Variants in DOK4 observed in about 807,000 individuals in gnomAD.
The protein encoded by DOK4 is downstream of tyrosine kinase 4.
A neutral mutation model predicts 40.1 loss-of-function variants in DOK4; 26 were observed. The ratio of observed to expected loss-of-function variants is 0.65; its 90% confidence interval spans 0.48 to 0.90. The LOEUF (loss-of-function observed/expected upper bound fraction) is 0.90, where lower values mean the gene tolerates loss of function less well. DOK4 is among the 40% of genes least tolerant of loss of function. The pLI is 0.00. For missense variants in DOK4, 392 were observed against 437.2 expected, an observed-to-expected ratio of 0.90 and a Z score of 0.92; for synonymous variants, 179 against 177.0, an observed-to-expected ratio of 1.01 and a Z score of -0.09.
At position 57,475,092 on chromosome 16, in the gene DOK4, G is replaced by T. The variant is rs747289489; in HGVS notation, c.409+8C>A. The T allele has an allele frequency of 6.5e-7, 1 of 1,537,336 alleles. No individual in the cohort carries two copies. The highest frequency in any genetic ancestry group is 8.9e-7 in the Non-Finnish European group (1 of 1,129,058). The stretch of plus-strand genomic sequence containing the variant: ...CTCCCCACCCCCAGGGCCAGGGCCC[G>T]GCCTCACCTGTCTGTTCACACTGCA... On this transcript the variant is annotated splice_region_variant and intron_variant, in intron 5 of 8. Transcript: ENST00000340099.
chr16:57,481,138 C>T (rs1307919292), intron 1 of DOK4, among the ~76,000 whole-genome samples: 1 of 152,198 alleles, frequency 6.6e-6, no homozygotes, highest in Non-Finnish European at 1.5e-5. Flanking sequence ...CTGGTTGTGC[C>T]AGCAGCTTGG....
rs578029979 is a variant in DOK4 at position 57,479,676 on chromosome 16, C to T, written c.-169G>A. ...CTCAGCATTGTTCTAGCAGCTCCTTCGCCCCGCGCCTGCTGGAAATAAAAA... is the reference window on the plus strand; with the variant it reads ...CTCAGCATTGTTCTAGCAGCTCCTTTGCCCCGCGCCTGCTGGAAATAAAAA... On this transcript the variant is annotated 5_prime_UTR_variant, in exon 2 of 9. Coordinates refer to ENST00000340099, the Ensembl canonical transcript of DOK4. The surrounding 1 kb of genome is among the most constrained non-coding windows in gnomAD (Gnocchi z 5.8). 7.4e-5 allele frequency: 43 copies of T among 583,294 alleles called. No individual in the cohort carries two copies. In the South Asian group the frequency reaches 8.9e-4, roughly 12 times the overall value. The allele number at this position is 583,294 out of a possible 1,614,324, so 36.1% of individuals were successfully genotyped here.
exon 6 of DOK4, chr16:57,474,838 C>T (rs370957924): frequency 8.1e-6 from 13 of 1,614,138 alleles, no homozygotes; most frequent in East Asian, 2.2e-5. Context: ...GCCATAGCGG[C>T]GCAGTGAGCA....
rs1387901719 is a variant in DOK4, at chr16:57,474,022, T to C, written c.617A>G (p.Glu206Gly). ...TTGTGTCTGGAAGGTATAGAGTCCT[T>C]CCCCAGCATCACACATCCTGGGGAC... The change falls in exon 7 of 9, where the codon GAA (glutamate) becomes GGA (glycine). Residue 206 changes from glutamate (E) to glycine (G), a missense_variant. Glu to Gly is a moderately conservative substitution (Grantham distance 98). Transcript: ENST00000340099. The C allele has an allele frequency of 1.9e-6, 3 of 1,614,018 alleles. No homozygotes were observed. The Admixed American group carries it at 5.0e-5, about 27-fold the overall frequency.
chr16:57,475,494 C>T lies in DOK4; in HGVS notation c.289+12G>A. ...CAGGGGAGGCAGATGGAGGCCCATA[C>T]TCGCGCCTCACCTGAGTCGCAGGTG... On this transcript the variant is annotated intron_variant, in intron 4 of 8. Coordinates refer to ENST00000340099, the Ensembl canonical transcript of DOK4. 1 of 1,592,956 alleles carries T rather than the reference C, an allele frequency of 6.3e-7. No individual in the cohort carries two copies.
chr16:57,474,101 T>C, intron 6 of DOK4, 62 bp from the exon 7 acceptor site: 1 of 1,599,300 alleles, frequency 6.3e-7, no homozygotes, highest in East Asian at 2.2e-5. Flanking sequence ...ATGTGATTAG[T>C]TAGGCTCTCT....
chr16:57,484,331 G>C (rs540633584), intron 1 of DOK4: 1 of 152,408 alleles, frequency 6.6e-6, no homozygotes, highest in South Asian at 2.1e-4. Context: ...TGGATCTGTG[G>C]GATTCTCTCC....
intron 2 of DOK4, among the ~76,000 whole-genome samples, chr16:57,478,325 A>G (rs959150413): frequency 2.0e-5 from 3 of 151,960 alleles, no homozygotes; most frequent in African/African-American, 7.3e-5. Flanking sequence ...GTACCCAGGT[A>G]GGGAAGCTGG....
chr16:57,473,970 G>C, exon 7 of DOK4: 2 of 1,614,124 alleles, frequency 1.2e-6, no homozygotes, highest in Non-Finnish European at 1.7e-6. Flanking sequence ...TGGCACTGTG[G>C]ACGCGCTGGT....
At chr16:57,483,798 T>G (rs1326306977) in intron 1 of DOK4, among the ~76,000 whole-genome samples, 4 of 151,968 alleles carry the variant, frequency 2.6e-5, no homozygotes, top group Non-Finnish European at 4.4e-5. Flanking sequence ...GGACCTGAGG[T>G]CTTGGGTCCT....
chr16:57,473,028 A>T, exon 9 of DOK4: 1 of 241,056 alleles, frequency 4.1e-6, no homozygotes, highest in Non-Finnish European at 8.1e-6. Flanking sequence ...ACTCAAAAAC[A>T]GCCTTGACCG....
rs538808845 is a variant in DOK4, at chr16:57,485,769, A to G, written c.-182+536T>C. Among the ~76,000 whole-genome samples the G allele has an allele frequency of 3.9e-5, 6 of 152,298 alleles. No homozygotes were observed. The South Asian group carries it at 6.2e-4, about 16-fold the overall frequency. On this transcript the variant is annotated intron_variant, in intron 1 of 8. Transcript: ENST00000340099. This position sits in a 1 kb window ranked among gnomAD's most constrained non-coding sequence, Gnocchi z 4.3. ...AAGGTGGACAGGACCTTGGGGGCCA[A>G]TGGAGAAAGGTTCAAGGACAGGAGG... is the stretch of plus-strand genomic sequence containing the variant.
At position 57,479,434 on chromosome 16, in the gene DOK4, T is replaced by C. The variant is rs1598054658; in HGVS notation, c.66+8A>G. The stretch of plus-strand genomic sequence containing the variant: ...GGCAGGGCCCCTCCGCAGCTCAGGG[T>C]CACTCACCCCGAGCTTCCTGCTCTT... On this transcript the variant is annotated splice_region_variant and intron_variant, in intron 2 of 8. Coordinates refer to ENST00000340099, the Ensembl canonical transcript of DOK4. The surrounding 1 kb of genome is among the most constrained non-coding windows in gnomAD (Gnocchi z 5.8). The C allele has an allele frequency of 6.2e-7, 1 of 1,613,272 alleles. No individual in the cohort carries two copies. Among genetic ancestry groups the C allele is most frequent in the South Asian group, 1.1e-5 (1 of 91,036 alleles).
At chr16:57,486,424 G>C (rs2031542167) in exon 1 of DOK4, 1 of 151,864 alleles carries the variant, frequency 6.6e-6, no homozygotes, top group Non-Finnish European at 1.5e-5. Context: ...GGCTCCAGGC[G>C]GGGACGGCGA....
intron 2 of DOK4, chr16:57,478,647 T>G (rs2039564631): frequency 6.6e-6 from 1 of 152,246 alleles, no homozygotes; most frequent in Non-Finnish European, 1.5e-5. Context: ...CTAGGGGGTC[T>G]TCACCAGTTG....
At chr16:57,474,484 A>G (rs948419687) in intron 6 of DOK4, among the ~76,000 whole-genome samples, 1 of 152,162 alleles carries the variant, frequency 6.6e-6, no homozygotes, top group Non-Finnish European at 1.5e-5. Flanking sequence ...TAGGTACTTT[A>G]TTATCCCCGA....
intron 1 of DOK4, chr16:57,483,946 C>T (rs1251224147): frequency 1.3e-5 from 2 of 152,336 alleles, no homozygotes; most frequent in Non-Finnish European, 2.9e-5. Flanking sequence ...GCTGCTTACC[C>T]AGGGACAGTA....
chr16:57,473,687 G>T, exon 8 of DOK4: 1 of 1,614,192 alleles, frequency 6.2e-7, no homozygotes, highest in Non-Finnish European at 8.5e-7. Flanking sequence ...CGGCAGCATG[G>T]TCGTGGGTGT....
chr16:57,484,765 C>T (rs571460136), intron 1 of DOK4, among the ~76,000 whole-genome samples: 1 of 152,320 alleles, frequency 6.6e-6, no homozygotes, highest in South Asian at 2.1e-4. Context: ...CCCTGACTAC[C>T]CTCACCAAAG....
Sources: gnomAD v4.1 joint callset for allele counts (sites outside exome capture counted in the v4.1 genomes callset) on GRCh38, gnomAD v4.1.1 for gene constraint, Gnocchi (gnomAD v3.1) non-coding constraint, MANE v1.5 for transcripts, NCBI Gene and HGNC (gene_info 2026-07-23, HGNC 2026-07-21) for gene names.